The following SLC26A3 variants were observed in gnomAD, a reference collection of about 807,000 sequenced individuals.
SLC26A3 encodes the protein solute carrier family 26 member 3, also known as chloride anion exchanger.
In SLC26A3, 64 loss-of-function variants were observed where a neutral mutation model predicts 85.6. The observed-to-expected ratio is 0.75, with a 90% CI of 0.61 to 0.92. SLC26A3 has a LOEUF of 0.92. SLC26A3 is among the 40% of genes least tolerant of loss of function. The pLI, the probability that SLC26A3 is intolerant of heterozygous loss-of-function variation, is 0.00. For missense variants in SLC26A3, 922 were observed against 927.3 expected (o/e 0.99, Z 0.07); for synonymous variants, 349 against 336.0 (o/e 1.04, Z -0.42).
chr7:107,801,512 C>T (rs6976022), intron 1 of SLC26A3, among the ~76,000 whole-genome samples: 11,232 of 152,254 alleles, frequency 0.074, 643 homozygotes, highest in African/African-American at 0.16. Context: ...AGCCTCTTCT[C>T]TTCTCTTTGG....
At chr7:107,784,864 G>A (rs1482490539) in intron 8 of SLC26A3, among the ~76,000 whole-genome samples, 1 of 152,132 alleles carries the variant, frequency 6.6e-6, no homozygotes, top group Non-Finnish European at 1.5e-5. Context: ...TACTCCTTGT[G>A]TTTCCTTTAC....
At chr7:107,792,258 A>T (rs577069215) in intron 3 of SLC26A3, among the ~76,000 whole-genome samples, 6 of 152,140 alleles carry the variant, frequency 3.9e-5, no homozygotes, top group Non-Finnish European at 8.8e-5. Flanking sequence ...GGAAGGGGAG[A>T]TGGTTTTGGG....
intron 15 of SLC26A3, among the ~76,000 whole-genome samples, chr7:107,775,506 C>T (rs763102356): frequency 6.6e-6 from 1 of 151,844 alleles, no homozygotes; most frequent in East Asian, 1.9e-4. Flanking sequence ...GGGAGGATTG[C>T]GTGAGGCCAC....
At chr7:107,778,450 G>T (rs2115828401) in intron 12 of SLC26A3, among the ~76,000 whole-genome samples, 169 bp from the exon 13 acceptor site, 1 of 140,446 alleles carries the variant, frequency 7.1e-6, no homozygotes, top group Non-Finnish European at 1.5e-5. Flanking sequence ...GTTGAAAGTT[G>T]TCATCTTGGG....
At chr7:107,800,034 C>A (rs370261434) in intron 1 of SLC26A3, among the ~76,000 whole-genome samples, 200 of 152,324 alleles carry the variant, frequency 1.3e-3, no homozygotes, top group African/African-American at 4.6e-3. Context: ...ATACAAGGTC[C>A]TTCATGTTTT....
Position 107,778,205 on chromosome 7 carries a change from T to C in SLC26A3, c.1484A>G (p.Gln495Arg). ...GLGLAASVAF[Q>R]LLTIVFRTQF... ...GGTCCTGAACACGATGGTTAGCAGT[T>C]GAAATGCCACACTAGCTGCCAGGCC... is the stretch of plus-strand genomic sequence containing the variant. The change falls in exon 13 of 21, where the codon CAA (glutamine) becomes CGA (arginine). Residue 495 changes from glutamine (Q) to arginine (R), a missense_variant. Coordinates refer to ENST00000340010, the MANE Select transcript of SLC26A3 (RefSeq NM_000111.3). 1 of 1,613,880 alleles carries C rather than the reference T, an allele frequency of 6.2e-7. No homozygotes were observed. The highest frequency in any genetic ancestry group is 8.5e-7 in the Non-Finnish European group (1 of 1,179,854).
At chr7:107,778,622 C>T (rs897475322) in intron 12 of SLC26A3, among the ~76,000 whole-genome samples, 1 of 152,074 alleles carries the variant, frequency 6.6e-6, no homozygotes, top group African/African-American at 2.4e-5. Context: ...TTATCTGTCA[C>T]AGTGATAATT....
At chr7:107,799,682 G>A (rs1357188310) in intron 1 of SLC26A3, among the ~76,000 whole-genome samples, 1 of 152,112 alleles carries the variant, frequency 6.6e-6, no homozygotes, top group South Asian at 2.1e-4. Flanking sequence ...GTGAGCACCC[G>A]GCCCAAGGCT....
At chr7:107,774,651 A>T in intron 16 of SLC26A3, 126 bp downstream of exon 16, 1 of 764,418 alleles carries the variant, frequency 1.3e-6, no homozygotes, top group East Asian at 2.5e-5. Context: ...TTAAAATATA[A>T]CACTCATTGA....
chr7:107,774,163 A>G lies in SLC26A3; in HGVS notation c.1774-10T>C. 6.3e-7 allele frequency: 1 copy of G among 1,594,040 alleles called. No homozygotes were observed. Among genetic ancestry groups the G allele is most frequent in the Non-Finnish European group, 8.6e-7 (1 of 1,161,680 alleles). ...TACATATAAATCCTTTCTGCAGGAGAGGATAACAAGTATGAAAACTGTGAC... is the reference window on the plus strand; with the variant it reads ...TACATATAAATCCTTTCTGCAGGAGGGGATAACAAGTATGAAAACTGTGAC... On this transcript the variant is annotated splice_polypyrimidine_tract_variant and intron_variant, in intron 16 of 20. Transcript: ENST00000340010.
chr7:107,767,323 G>A (rs959395571), intron 20 of SLC26A3, among the ~76,000 whole-genome samples: 1 of 152,220 alleles, frequency 6.6e-6, no homozygotes, highest in Non-Finnish European at 1.5e-5. Context: ...AAAAACAAAA[G>A]AAGATATGCT....
In SLC26A3 at chr7:107,793,727, TAA is replaced by T. The variant is rs748141043; in HGVS notation, c.271+13_271+14del. The T allele has an allele frequency of 6.3e-7, 1 of 1,594,512 alleles. No individual in the cohort carries two copies. Among genetic ancestry groups the T allele is most frequent in the Non-Finnish European group, 8.6e-7 (1 of 1,167,958 alleles). On this transcript the variant is annotated intron_variant, in intron 3 of 20. Transcript: ENST00000340010. Reference sequence around the variant, plus strand: ...AATTTTATTGTATATAAATTATACTTAAAAAAAATTTTACCTTGTAGTACGGC... The same window carrying T: ...AATTTTATTGTATATAAATTATACTTAAAAAATTTTACCTTGTAGTACGGC...
In SLC26A3 at chr7:107,787,438, A is replaced by G; in HGVS notation, c.807T>C (p.Leu269=). 6.2e-7 allele frequency: 1 copy of G among 1,613,998 alleles called. No individual in the cohort carries two copies. The highest frequency in any genetic ancestry group is 2.2e-5 in the East Asian group (1 of 44,866). The change falls in exon 7 of 21, where the codon CTT becomes CTC. Residue 269 remains leucine, a synonymous_variant. Transcript: ENST00000340010. ...TTTCTTTAACAATGGATACAACCAAAAGGACAATCAGAGCTGTCACCAGGT... is the reference window on the plus strand; with the variant it reads ...TTTCTTTAACAATGGATACAACCAAGAGGACAATCAGAGCTGTCACCAGGT... The part of the protein sequence containing the change: ...IADLVTALIV[L]LVVSIVKEIN...
At chr7:107,801,371 A>G (rs1392415392) in intron 1 of SLC26A3, among the ~76,000 whole-genome samples, 1 of 152,104 alleles carries the variant, frequency 6.6e-6, no homozygotes, top group Non-Finnish European at 1.5e-5. Flanking sequence ...TTGAGCATGA[A>G]AGCCTCACAC....
chr7:107,787,719 G>A (rs371814950), intron 6 of SLC26A3, among the ~76,000 whole-genome samples: 18 of 152,338 alleles, frequency 1.2e-4, no homozygotes, highest in Middle Eastern at 3.4e-3. Context: ...CATAGTGTAG[G>A]TGGCACACTA....
chr7:107,770,876 C>T (rs1280009138), intron 18 of SLC26A3, among the ~76,000 whole-genome samples: 26 of 152,188 alleles, frequency 1.7e-4, no homozygotes, highest in Non-Finnish European at 7.3e-5. Flanking sequence ...TACGTGCGTA[C>T]TCTGTAGATA....
intron 18 of SLC26A3, among the ~76,000 whole-genome samples, chr7:107,770,000 C>CTCTCTCTTTCTTTCTTTCTT (rs1554377065): frequency 7.6e-6 from 1 of 130,994 alleles, no homozygotes; most frequent in East Asian, 2.2e-4. Context: ...TTCCTTTTTT[C>CTCTCTCTTTCTTTCTTTCTT]TCTTTCTTTC....
At chr7:107,790,989 ATG>A in intron 5 of SLC26A3, 57 bp downstream of exon 5, 1 of 1,553,632 alleles carries the variant, frequency 6.4e-7, no homozygotes, top group South Asian at 1.1e-5. Flanking sequence ...AAATAGAGAG[ATG>A]TGTAACAGTC....
Position 107,767,599 on chromosome 7 carries a change from A to G in SLC26A3, c.2251T>C (p.Leu751=). The change falls in exon 20 of 21, where the codon TTA becomes CTA. Residue 751 remains leucine, a synonymous_variant. Transcript: ENST00000340010. ...CTTACCTCATATACCCGATTACGTA[A>G]TCCTCCATTTGTATTTATGGTAAAA... is the stretch of plus-strand genomic sequence containing the variant. ...IDFTINTNGG[L]RNRVYEVPVE... 1 of 1,609,158 alleles carries G rather than the reference A, an allele frequency of 6.2e-7. No individual in the cohort carries two copies. The highest frequency in any genetic ancestry group is 8.5e-7 in the Non-Finnish European group (1 of 1,175,816).
Sources: gnomAD v4.1 joint callset for allele counts (sites outside exome capture counted in the v4.1 genomes callset) on GRCh38, gnomAD v4.1.1 for gene constraint, MANE v1.5 for transcripts, NCBI Gene and HGNC (gene_info 2026-07-23, HGNC 2026-07-21) for gene names.